AGAP1: variants seen among roughly 807,000 people sequenced by gnomAD.
AGAP1 encodes ArfGAP with GTPase domain, ankyrin repeat and PH domain 1.
Under a neutral mutation model 105.3 loss-of-function variants are expected in AGAP1, and 29 were observed. That is an observed-to-expected ratio of 0.28 (90% CI 0.21 to 0.38). The LOEUF (loss-of-function observed/expected upper bound fraction) is 0.38. Ranked by LOEUF, AGAP1 falls within the 10% of genes least tolerant of loss-of-function variation. The pLI is 1.00. For synonymous variants in AGAP1, 509 were observed against 485.9 expected (o/e 1.05, Z -0.63); for missense variants, 998 against 1,165.1 (o/e 0.86, Z 2.09).
rs575744325 is a variant in AGAP1, at chr2:235,840,395, C to G, written c.1050+33064C>G. Among the ~76,000 whole-genome samples the G allele has an allele frequency of 1.8e-4, 27 of 152,370 alleles. No individual in the cohort carries two copies. In the South Asian group the frequency reaches 2.7e-3, roughly 15 times the overall value. On this transcript the variant is annotated intron_variant, in intron 9 of 17. Coordinates refer to ENST00000304032, the MANE Select transcript of AGAP1 (RefSeq NM_001037131.3). ...GCAGAGAAGACAAGGCTGTTCCTCT[C>G]CTTGTTCTCACCTTTGCCCAGAAAG... is the stretch of plus-strand genomic sequence containing the variant.
chr2:236,124,113 C>G lies in AGAP1; in HGVS notation c.2565C>G (p.Thr855=). The change falls in exon 18 of 18, where the codon ACC becomes ACG. Residue 855 remains threonine (T), a synonymous_variant. Coordinates refer to ENST00000304032, the MANE Select transcript of AGAP1 (RefSeq NM_001037131.3). The surrounding 1 kb of genome is among the most constrained non-coding windows in gnomAD (Gnocchi z 5.1). ...ACAACAGCAGTGGGAGGGTGCCCAC[C>G]ATCATCTGAGGAACAGCCGTGCCCG... ...NRNNSSGRVP[T]II is the part of the protein sequence containing the mutation. 6.2e-7 allele frequency: 1 copy of G among 1,613,938 alleles called. No individual in the cohort carries two copies. The highest frequency in any genetic ancestry group is 8.5e-7 in the Non-Finnish European group (1 of 1,179,928).
In AGAP1 at chr2:235,712,700, G is replaced by A. The variant is rs1350675357; in HGVS notation, c.222+3463G>A. 1.3e-5 allele frequency among the ~76,000 whole-genome samples: 2 copies of A among 152,018 alleles called. No individual in the cohort carries two copies. Among genetic ancestry groups the A allele is most frequent in the Non-Finnish European group, 2.9e-5 (2 of 68,038 alleles). ...ACGCACTTCATGTGCCTGCACAGAC[G>A]GTGACCCCTGCACAGAGGTTGACAG... On this transcript the variant is annotated intron_variant, in intron 2 of 17. Transcript: ENST00000304032. This position sits in a 1 kb window ranked among gnomAD's most constrained non-coding sequence, Gnocchi z 6.0.
chr2:235,531,635 T>G (rs528164229), intron 1 of AGAP1, among the ~76,000 whole-genome samples: 1 of 145,710 alleles, frequency 6.9e-6, no homozygotes, highest in Admixed American at 7.0e-5. Context: ...TGAGACAGAG[T>G]CTTGCTGTGG....
In AGAP1 at chr2:236,087,701, C is replaced by T. The variant is rs2058968418; in HGVS notation, c.2115-32491C>T. 6.6e-6 allele frequency among the ~76,000 whole-genome samples: 1 copy of T among 152,184 alleles called. No homozygotes were observed. The highest frequency in any genetic ancestry group is 1.5e-5 in the Non-Finnish European group (1 of 68,040). On this transcript the variant is annotated intron_variant, in intron 16 of 17. Transcript: ENST00000304032. This position sits in a 1 kb window ranked among gnomAD's most constrained non-coding sequence, Gnocchi z 5.7. ...ATAGTCTCATAAGCCATGTAAGTGGCCTTATTGGTTAAGTGACAACCGGGG... is the reference window on the plus strand; with the variant it reads ...ATAGTCTCATAAGCCATGTAAGTGGTCTTATTGGTTAAGTGACAACCGGGG...
chr2:235,681,950 A>T (rs1949099520), intron 1 of AGAP1, among the ~76,000 whole-genome samples: 1 of 148,910 alleles, frequency 6.7e-6, no homozygotes, highest in African/African-American at 2.5e-5. Flanking sequence ...TCCCAGGTTC[A>T]AGCAATTCTC....
chr2:235,910,683 C>CA (rs957353982), intron 11 of AGAP1, among the ~76,000 whole-genome samples: 1 of 152,138 alleles, frequency 6.6e-6, no homozygotes, highest in African/African-American at 2.4e-5. Flanking sequence ...TTTGGGAGGC[C>CA]AAAATGGGTG....
Position 235,908,996 on chromosome 2 carries a change from G to A in AGAP1, c.1324+90G>A. 1 of 1,242,096 alleles carries A rather than the reference G, an allele frequency of 8.1e-7. No homozygotes were observed. The highest frequency in any genetic ancestry group is 2.1e-5 in the Admixed American group (1 of 46,694). 76.9% of individuals were successfully genotyped at this position (1,242,096 alleles called of 1,614,324 possible). ...ATAATGTTGGACTCCTAGGTTAAGT[G>A]GAGACAGTAACTATCACATTACAGA... On this transcript the variant is annotated intron_variant, in intron 11 of 17. Coordinates refer to ENST00000304032, the MANE Select transcript of AGAP1 (RefSeq NM_001037131.3). This position sits in a 1 kb window ranked among gnomAD's most constrained non-coding sequence, Gnocchi z 4.4.
At chr2:235,649,884 C>T (rs1445158371) in intron 1 of AGAP1, among the ~76,000 whole-genome samples, 1 of 152,198 alleles carries the variant, frequency 6.6e-6, no homozygotes, top group Non-Finnish European at 1.5e-5. Flanking sequence ...GCTGGCTTCC[C>T]TTATTTTACT....
chr2:236,110,696 A>G (rs754103500), intron 16 of AGAP1, among the ~76,000 whole-genome samples: 1 of 152,222 alleles, frequency 6.6e-6, no homozygotes, highest in Non-Finnish European at 1.5e-5. Context: ...ATTTATATAA[A>G]TATATGTCCA....
chr2:236,027,391 T>A lies in AGAP1; in HGVS notation c.1646-9170T>A, dbSNP rs2057088070. Among the ~76,000 whole-genome samples, 1 of 152,056 alleles carries A rather than the reference T, an allele frequency of 6.6e-6. No individual in the cohort carries two copies. On this transcript the variant is annotated intron_variant, in intron 13 of 17. Transcript: ENST00000304032. This position sits in a 1 kb window ranked among gnomAD's most constrained non-coding sequence, Gnocchi z 4.4. The stretch of plus-strand genomic sequence containing the variant: ...GTTAATCCTTCCTCAGGAAGCAAGG[T>A]CCAGCTGCTCGGACCCTTGTCGTAA...
rs200035379 is a variant in AGAP1, at chr2:235,998,301, GT to G, written c.1645+29680del. On this transcript the variant is annotated intron_variant, in intron 13 of 17. Coordinates refer to ENST00000304032, the MANE Select transcript of AGAP1 (RefSeq NM_001037131.3). The stretch of plus-strand genomic sequence containing the variant: ...ATTAGTGTTTAGGAAGCTCTGCTCA[GT>G]TACCACCTAGTGGAGAAATCTAGGA... Among the ~76,000 whole-genome samples the G allele has an allele frequency of 3.6e-3, 544 of 152,312 alleles. 6 individuals are homozygous for G. The highest frequency in any genetic ancestry group is 0.012 in the African/African-American group (493 of 41,564).
At position 235,611,273 on chromosome 2, in the gene AGAP1, C is replaced by T. The variant is rs74405388; in HGVS notation, c.164-97906C>T. The stretch of plus-strand genomic sequence containing the variant: ...TGGTTTGACTCCCTTGTGGCCCACA[C>T]AACACTTTCGTTGGAGATGAAGAGT... On this transcript the variant is annotated intron_variant, in intron 1 of 17. Transcript: ENST00000304032. This position sits in a 1 kb window ranked among gnomAD's most constrained non-coding sequence, Gnocchi z 5.0. Among the ~76,000 whole-genome samples, 192 of 152,356 alleles carry T rather than the reference C, an allele frequency of 1.3e-3. 8 individuals carry two copies. The East Asian group carries it at 0.036, about 28-fold the overall frequency.
rs1461393439 is a variant in AGAP1, at chr2:235,989,433, G to A, written c.1645+20810G>A. On this transcript the variant is annotated intron_variant, in intron 13 of 17. Transcript: ENST00000304032. The surrounding 1 kb of genome is among the most constrained non-coding windows in gnomAD (Gnocchi z 4.4). ...ACATCAGGAGGAGGGTCCGCAGCTC[G>A]ATGGTGATGAGTGTAGGGGAGAGGT... Among the ~76,000 whole-genome samples, 9 of 152,170 alleles carry A rather than the reference G, an allele frequency of 5.9e-5. No individual in the cohort carries two copies. Among genetic ancestry groups the A allele is most frequent in the Non-Finnish European group, 1.0e-4 (7 of 68,034 alleles).
chr2:235,826,953 T>C (rs574675039), intron 9 of AGAP1, among the ~76,000 whole-genome samples: 32 of 152,264 alleles, frequency 2.1e-4, no homozygotes, highest in African/African-American at 7.5e-4. Flanking sequence ...TAGAGAAAAG[T>C]ACCTGCACTT....
At chr2:235,928,788 G>A (rs561589506) in intron 11 of AGAP1, among the ~76,000 whole-genome samples, 48 of 152,314 alleles carry the variant, frequency 3.2e-4, no homozygotes, top group African/African-American at 1.0e-3. Context: ...GGGTGGCTTC[G>A]ATGGTGGCAC....
In AGAP1 at chr2:235,982,204, G is replaced by A. The variant is rs2055127036; in HGVS notation, c.1645+13581G>A. 6.6e-6 allele frequency among the ~76,000 whole-genome samples: 1 copy of A among 152,132 alleles called. No homozygotes were observed. Among genetic ancestry groups the A allele is most frequent in the South Asian group, 2.1e-4 (1 of 4,832 alleles). On this transcript the variant is annotated intron_variant, in intron 13 of 17. Transcript: ENST00000304032. This position sits in a 1 kb window ranked among gnomAD's most constrained non-coding sequence, Gnocchi z 4.9. Reference sequence around the variant, plus strand: ...CTTCGCAGCCTGGTAATTTTACCTGGACAAGTAAATCCATTTCTCACATTT... The same window carrying A: ...CTTCGCAGCCTGGTAATTTTACCTGAACAAGTAAATCCATTTCTCACATTT...
Position 235,639,230 on chromosome 2 carries a change from G to A in AGAP1, c.164-69949G>A, listed in dbSNP as rs757662506. 6.6e-6 allele frequency among the ~76,000 whole-genome samples: 1 copy of A among 152,114 alleles called. No individual in the cohort carries two copies. The highest frequency in any genetic ancestry group is 1.5e-5 in the Non-Finnish European group (1 of 68,012). ...TTTGGCCATGCTGTTGTGAGTCTGT[G>A]GTTCCCAGGGAGCAGCTGAGTAGGC... is the stretch of plus-strand genomic sequence containing the variant. On this transcript the variant is annotated intron_variant, in intron 1 of 17. Coordinates refer to ENST00000304032, the MANE Select transcript of AGAP1 (RefSeq NM_001037131.3). This position sits in a 1 kb window ranked among gnomAD's most constrained non-coding sequence, Gnocchi z 5.3.
rs1054060720 is a variant in AGAP1 at position 235,732,366 on chromosome 2, C to T, written c.311-8597C>T. ...GCTCCTTACTTTTTCTAATTTTATT[C>T]ATCAGTTCCCCAAATGCCGTTTTGA... On this transcript the variant is annotated intron_variant, in intron 3 of 17. Transcript: ENST00000304032. The surrounding 1 kb of genome is among the most constrained non-coding windows in gnomAD (Gnocchi z 4.8). Among the ~76,000 whole-genome samples, 4 of 152,168 alleles carry T rather than the reference C, an allele frequency of 2.6e-5. No individual in the cohort carries two copies. The highest frequency in any genetic ancestry group is 2.9e-5 in the Non-Finnish European group (2 of 68,040).
intron 16 of AGAP1, among the ~76,000 whole-genome samples, chr2:236,059,643 G>A (rs1414057496): frequency 6.6e-6 from 1 of 152,178 alleles, no homozygotes; most frequent in Non-Finnish European, 1.5e-5. Context: ...AAGCGGAATC[G>A]AGAGTCCAGA....
Sources: allele counts gnomAD v4.1 joint callset (sites outside exome capture counted in the v4.1 genomes callset), GRCh38; gene constraint gnomAD v4.1.1; non-coding constraint Gnocchi (gnomAD v3.1); transcripts MANE v1.5; gene names NCBI Gene and HGNC (gene_info 2026-07-23, HGNC 2026-07-21).